The following ERMP1 variants were observed in gnomAD, a reference collection of about 807,000 sequenced individuals.
The protein encoded by ERMP1 is Felix-ina.
ERMP1 carries 86 observed loss-of-function variants against 92.0 expected under a neutral mutation model. The observed-to-expected ratio is 0.93, with a 90% CI of 0.79 to 1.12. ERMP1 has a LOEUF of 1.12. Ranked by LOEUF, ERMP1 falls within the 50% of genes most tolerant of loss-of-function variation. The pLI is 0.00. For synonymous variants in ERMP1, 530 were observed against 412.8 expected, an observed-to-expected ratio of 1.28 and a Z score of -3.44; for missense variants, 1,342 against 1,116.3, an observed-to-expected ratio of 1.20 and a Z score of -2.88.
At chr9:5,793,290 GTAAC>G (rs1828280862) in intron 13 of ERMP1, among the ~76,000 whole-genome samples, 1 of 151,786 alleles carries the variant, frequency 6.6e-6, no homozygotes, top group Admixed American at 6.6e-5. Context: ...AAATAGTAGT[GTAAC>G]TGACATGCTA....
At chr9:5,855,583 G>A (rs1830363852) in intron 6 of ERMP1, among the ~76,000 whole-genome samples, 1 of 152,238 alleles carries the variant, frequency 6.6e-6, no homozygotes, top group East Asian at 1.9e-4. Context: ...GAGGTATTGA[G>A]ACATGTGCAG....
In ERMP1 at chr9:5,812,931, C is replaced by A; in HGVS notation, c.979G>T (p.Asp327Tyr). 2 of 1,614,044 alleles carry A rather than the reference C, an allele frequency of 1.2e-6. No individual in the cohort carries two copies. The highest frequency in any genetic ancestry group is 1.7e-6 in the Non-Finnish European group (2 of 1,179,924). Residue 327 changes from aspartate (D) to tyrosine (Y), a missense_variant, in exon 5 of 15, where the codon GAT becomes TAT. Transcript: ENST00000339450. The stretch of plus-strand genomic sequence containing the variant: ...TCCCTGTAGATACGAAAGTCAGTAT[C>A]TGAAGGAATGATTCCACTCTGAAAA... ...EVFQSGIIPS[D>Y]TDFRIYRDFG...
At chr9:5,858,831 A>T (rs1426664038) in intron 6 of ERMP1, among the ~76,000 whole-genome samples, 1 of 152,176 alleles carries the variant, frequency 6.6e-6, no homozygotes, top group Non-Finnish European at 1.5e-5. Flanking sequence ...GGATGGATGG[A>T]TGATGGATGG....
rs1829032920 is a variant in ERMP1 at position 5,810,091 on chromosome 9, C to G, written c.1468G>C (p.Val490Leu). ...GCAGTTCCATACAGACAAACGGAGA[C>G]ATAGAAGTGGTTATACCATGAGAGA... ...QSLSWYNHFY[V>L]SVCLYGTATV... is the part of the protein sequence containing the mutation. Residue 490 changes from valine to leucine, a missense_variant, in exon 8 of 15, where the codon GTC (valine) becomes CTC (leucine). Val to Leu is a conservative substitution (Grantham distance 32). Transcript: ENST00000339450. The G allele has an allele frequency of 6.2e-7, 1 of 1,613,784 alleles. No homozygotes were observed. Among genetic ancestry groups the G allele is most frequent in the Non-Finnish European group, 8.5e-7 (1 of 1,179,876 alleles).
chr9:5,854,297 A>G (rs1264310591), intron 6 of ERMP1, among the ~76,000 whole-genome samples: 1 of 152,138 alleles, frequency 6.6e-6, no homozygotes, highest in Non-Finnish European at 1.5e-5. Flanking sequence ...ATAGAAAAAA[A>G]ATAAAGATTT....
chr9:5,808,404 C>G (rs183070102), intron 8 of ERMP1, among the ~76,000 whole-genome samples: 8 of 152,302 alleles, frequency 5.3e-5, no homozygotes, highest in African/African-American at 1.9e-4. Context: ...ACTGAAGCCA[C>G]TAAGATAAAA....
intron 2 of ERMP1, among the ~76,000 whole-genome samples, chr9:5,828,290 G>A (rs150121523): frequency 4.6e-5 from 7 of 152,218 alleles, no homozygotes; most frequent in Non-Finnish European, 5.9e-5. Context: ...TTTGACATAC[G>A]GATTATTTTG....
chr9:5,805,457 G>A (rs751456109), intron 9 of ERMP1, among the ~76,000 whole-genome samples, 154 bp downstream of exon 9: 1 of 152,248 alleles, frequency 6.6e-6, no homozygotes, highest in South Asian at 2.1e-4. Context: ...AAGGGATGGA[G>A]TATAAGGCAT....
At chr9:5,823,328 T>A (rs1369574103) in intron 4 of ERMP1, among the ~76,000 whole-genome samples, 1 of 152,160 alleles carries the variant, frequency 6.6e-6, no homozygotes, top group Non-Finnish European at 1.5e-5. Flanking sequence ...ATTACTAAAT[T>A]TTTTTAACAT....
In ERMP1 at chr9:5,785,255, C is replaced by T. The variant is rs1370623631; in HGVS notation, c.*1889G>A. On this transcript the variant is annotated 3_prime_UTR_variant, in exon 15 of 15. Coordinates refer to ENST00000339450, the MANE Select transcript of ERMP1 (RefSeq NM_024896.3). ...CTGATAAAGAGTAAAGGCATCCTTC[C>T]CATAGAGGGGGGGAATTCACAGGGA... is the stretch of plus-strand genomic sequence containing the variant. The T allele has an allele frequency of 1.3e-5, 2 of 152,116 alleles. No homozygotes were observed. Among genetic ancestry groups the T allele is most frequent in the Non-Finnish European group, 2.9e-5 (2 of 68,008 alleles). The allele number at this position is 152,116 out of a possible 1,614,324, so 9.4% of individuals were successfully genotyped here.
chr9:5,801,109 C>G (rs938083651), intron 11 of ERMP1, 67 bp downstream of exon 11: 19 of 1,521,836 alleles, frequency 1.2e-5, no homozygotes, highest in African/African-American at 2.8e-5. Flanking sequence ...TTGCTATTCA[C>G]TACTGAAGCT....
intron 4 of ERMP1, among the ~76,000 whole-genome samples, chr9:5,815,077 A>G (rs1339131717): frequency 6.6e-6 from 1 of 152,220 alleles, no homozygotes; most frequent in Admixed American, 6.5e-5. Context: ...TGGAGTCCCA[A>G]AAGAACAGAA....
At chr9:5,825,640 C>A (rs551486334) in intron 2 of ERMP1, among the ~76,000 whole-genome samples, 1 of 152,360 alleles carries the variant, frequency 6.6e-6, no homozygotes, top group African/African-American at 2.4e-5. Flanking sequence ...ACTGCACCCA[C>A]TCCTTTCTTG....
Position 5,811,131 on chromosome 9 carries a change from A to G in ERMP1, c.1307T>C (p.Phe436Ser). 6.2e-7 allele frequency: 1 copy of G among 1,613,928 alleles called. No individual in the cohort carries two copies. The highest frequency in any genetic ancestry group is 8.5e-7 in the Non-Finnish European group (1 of 1,179,874). ...CTTACTCTTATGTTTGGGCTGCAAA[A>G]ATTTTTTGCCCAGGTACAAAACAAC... Reference protein sequence around the residue: ...MGVVLYLGKKFLQPKHKTGNY... With the variant: ...MGVVLYLGKKSLQPKHKTGNY... Residue 436 changes from phenylalanine to serine, a missense_variant, in exon 7 of 15, where the codon TTT becomes TCT. Coordinates refer to ENST00000339450, the MANE Select transcript of ERMP1 (RefSeq NM_024896.3).
chr9:5,835,024 T>A (rs182772581), upstream of ERMP1, among the ~76,000 whole-genome samples: 242 of 133,742 alleles, frequency 1.8e-3, no homozygotes, highest in African/African-American at 5.4e-3. Context: ...TGTGTGTGTG[T>A]GAAAGATCCT....
Position 5,812,913 on chromosome 9 carries a change from A to G in ERMP1, c.997T>C (p.Tyr333His). The change falls in exon 5 of 15, where the codon TAC (tyrosine) becomes CAC (histidine). Residue 333 changes from tyrosine (Y) to histidine (H), a missense_variant. By Grantham distance (83) the Tyr-to-His change is moderately conservative. Transcript: ENST00000339450. ...CCTGGAATGTTCCCAAAATCCCTGT[A>G]GATACGAAAGTCAGTATCTGAAGGA... ...IIPSDTDFRI[Y>H]RDFGNIPGID... 6.2e-7 allele frequency: 1 copy of G among 1,614,044 alleles called. No individual in the cohort carries two copies. Among genetic ancestry groups the G allele is most frequent in the Non-Finnish European group, 8.5e-7 (1 of 1,179,902 alleles).
intron 4 of ERMP1, among the ~76,000 whole-genome samples, chr9:5,817,747 A>G (rs1829373920): frequency 6.6e-6 from 1 of 152,156 alleles, no homozygotes; most frequent in Admixed American, 6.5e-5. Context: ...ATAGTAAGTC[A>G]AAGTTCTCTA....
intron 6 of ERMP1, among the ~76,000 whole-genome samples, chr9:5,854,428 C>T (rs564674615): frequency 3.3e-5 from 5 of 152,162 alleles, no homozygotes; most frequent in Non-Finnish European, 5.9e-5. Context: ...GGGTCACTCA[C>T]GGGAGAAAAA....
At chr9:5,838,311 G>C (rs926932999) in intron 6 of ERMP1, among the ~76,000 whole-genome samples, 2 of 152,006 alleles carry the variant, frequency 1.3e-5, no homozygotes, top group African/African-American at 4.8e-5. Context: ...GAAGGTCGAG[G>C]GGGGTGAATC....
Sources: gnomAD v4.1 joint callset for allele counts (sites outside exome capture counted in the v4.1 genomes callset) on GRCh38, gnomAD v4.1.1 for gene constraint, MANE v1.5 for transcripts, NCBI Gene and HGNC (gene_info 2026-07-23, HGNC 2026-07-21) for gene names.